Variants in ZMIZ2 observed in about 807,000 individuals in gnomAD.
The protein encoded by ZMIZ2 is zinc finger MIZ-type containing 2.
In ZMIZ2, 26 loss-of-function variants were observed where a neutral mutation model predicts 93.9. That is an observed-to-expected ratio of 0.28 (90% CI 0.20 to 0.38). The LOEUF is 0.38. Among genes scored for constraint, ZMIZ2 ranks in the 10% least tolerant of loss-of-function variants. The pLI is 1.00. For missense variants in ZMIZ2, 1,023 were observed against 1,235.0 expected (o/e 0.83, Z 2.57); for synonymous variants, 485 against 516.4 (o/e 0.94, Z 0.82).
intron 1 of ZMIZ2, among the ~76,000 whole-genome samples, 170 bp from the exon 2 acceptor site, chr7:44,756,014 AGAGT>A (rs568856102): frequency 6.8e-4 from 104 of 152,276 alleles, no homozygotes; most frequent in African/African-American, 2.4e-3. Flanking sequence ...GATCCTCACC[AGAGT>A]GAGTGGGGTG....
chr7:44,759,836 C>G, intron 7 of ZMIZ2: 1 of 477,724 alleles, frequency 2.1e-6, no homozygotes, highest in Non-Finnish European at 3.7e-6. Flanking sequence ...GACAGGCCCT[C>G]GCTGCTGGCC....
intron 14 of ZMIZ2, 103 bp downstream of exon 14, chr7:44,764,589 G>GACTCCTCCC: frequency 7.5e-7 from 1 of 1,328,446 alleles, no homozygotes; most frequent in Non-Finnish European, 1.1e-6. Context: ...AGCCTGCTGG[G>GACTCCTCCC]AGGAGTCACT....
chr7:44,762,248 C>G (rs576918163), intron 11 of ZMIZ2, among the ~76,000 whole-genome samples: 4 of 152,330 alleles, frequency 2.6e-5, no homozygotes, highest in African/African-American at 9.6e-5. Flanking sequence ...GAAAGCGATC[C>G]AGTAATATAC....
chr7:44,760,015 T>C, intron 7 of ZMIZ2, 136 bp from the exon 8 acceptor site: 2 of 871,180 alleles, frequency 2.3e-6, no homozygotes, highest in Non-Finnish European at 3.6e-6. Context: ...CTTTAAGTAG[T>C]GTTACTTGTA....
intron 3 of ZMIZ2, chr7:44,756,741 T>C (rs1790630119): frequency 6.4e-6 from 5 of 782,868 alleles, no homozygotes; most frequent in Non-Finnish European, 8.1e-6. Flanking sequence ...GCTGTGGGAT[T>C]TTCTTCTCCT....
In ZMIZ2 at chr7:44,763,566, G is replaced by GCCCA; in HGVS notation, c.1860+155_1860+156insCACC. The GCCCA allele has an allele frequency of 8.5e-6, 9 of 1,058,394 alleles. No homozygotes were observed. Among genetic ancestry groups the GCCCA allele is most frequent in the Non-Finnish European group, 1.2e-5 (9 of 745,402 alleles). The allele number at this position is 1,058,394 out of a possible 1,614,324, so 65.6% of individuals were successfully genotyped here. A position where few individuals can be genotyped will look rare whatever the true frequency, so the allele number is the denominator to read the frequency against. On this transcript the variant is annotated intron_variant, in intron 13 of 18. Transcript: ENST00000309315. This position sits in a 1 kb window ranked among gnomAD's most constrained non-coding sequence, Gnocchi z 5.6. ...CCTCCCACGCCAAGGAGGCAGGTGG[G>GCCCA]CCTGGCTCCCCCAAGACTAGGCTAT...
In ZMIZ2 at chr7:44,766,435, T is replaced by A. The variant is rs778920505; in HGVS notation, c.2427T>A (p.Gly809=). ...ACLPSQMAPA[G]HLDPTHNPGT... ...TCTGTCTTCAGATGGCACCAGCAGGTCACCTGGACCCCACTCACAATCCTG... is the reference window on the plus strand; with the variant it reads ...TCTGTCTTCAGATGGCACCAGCAGGACACCTGGACCCCACTCACAATCCTG... The change falls in exon 18 of 19, where the codon GGT becomes GGA. Residue 809 remains glycine, a synonymous_variant. Coordinates refer to ENST00000309315, the MANE Select transcript of ZMIZ2 (RefSeq NM_031449.4). This position sits in a 1 kb window ranked among gnomAD's most constrained non-coding sequence, Gnocchi z 4.4. 73 of 1,614,036 alleles carry A rather than the reference T, an allele frequency of 4.5e-5. No individual in the cohort carries two copies. The highest frequency in any genetic ancestry group is 6.0e-5 in the Non-Finnish European group (71 of 1,180,038).
At chr7:44,758,192 G>A in intron 6 of ZMIZ2, 84 bp downstream of exon 6, 1 of 1,435,084 alleles carries the variant, frequency 7.0e-7, no homozygotes. Flanking sequence ...TAAAGAGCAG[G>A]CTTCTGGCTG....
chr7:44,757,633 A>G, intron 5 of ZMIZ2, 72 bp downstream of exon 5: 6 of 1,502,616 alleles, frequency 4.0e-6, no homozygotes, highest in Non-Finnish European at 4.4e-6. Flanking sequence ...TCAGCCAGAC[A>G]GTGGGCTCCA....
intron 1 of ZMIZ2, among the ~76,000 whole-genome samples, chr7:44,755,238 CAG>C (rs1439278842): frequency 1.3e-5 from 2 of 152,196 alleles, no homozygotes; most frequent in East Asian, 3.8e-4. Context: ...CCCCATCTTG[CAG>C]AGTCACTTCA....
At chr7:44,757,341 C>A in intron 4 of ZMIZ2, 37 bp from the exon 5 acceptor site, 1 of 1,586,706 alleles carries the variant, frequency 6.3e-7, no homozygotes, top group Non-Finnish European at 8.5e-7. Flanking sequence ...CCTCATGAGC[C>A]CACGCAGAGA....
intron 7 of ZMIZ2, chr7:44,759,743 G>C (rs1790977416): frequency 2.1e-6 from 1 of 473,286 alleles, no homozygotes; most frequent in African/African-American, 2.0e-5. Flanking sequence ...GCAGGGAGCA[G>C]CAGGTGGGTA....
chr7:44,757,163 C>G lies in ZMIZ2; in HGVS notation c.368+14C>G. Reference sequence around the variant, plus strand: ...CTTCACCACCGGGTAAGCAAGTTCCCTCACCTGGCAGGTATGCTAGGAGCC... The same window carrying G: ...CTTCACCACCGGGTAAGCAAGTTCCGTCACCTGGCAGGTATGCTAGGAGCC... On this transcript the variant is annotated intron_variant, in intron 4 of 18. Coordinates refer to ENST00000309315, the MANE Select transcript of ZMIZ2 (RefSeq NM_031449.4). The G allele has an allele frequency of 6.3e-7, 1 of 1,590,704 alleles. No individual in the cohort carries two copies. Among genetic ancestry groups the G allele is most frequent in the Non-Finnish European group, 8.5e-7 (1 of 1,174,496 alleles).
chr7:44,763,551 C>A lies in ZMIZ2; in HGVS notation c.1860+138C>A. 3.2e-6 allele frequency: 4 copies of A among 1,239,978 alleles called. No homozygotes were observed. Among genetic ancestry groups the A allele is most frequent in the Non-Finnish European group, 4.4e-6 (4 of 906,046 alleles). 76.8% of individuals were successfully genotyped at this position (1,239,978 alleles called of 1,614,324 possible). A position where few individuals can be genotyped will look rare whatever the true frequency, so the allele number is the denominator to read the frequency against. ...GGCTGACAGGACAGGCCTCCCACGCCAAGGAGGCAGGTGGGCCTGGCTCCC... is the reference window on the plus strand; with the variant it reads ...GGCTGACAGGACAGGCCTCCCACGCAAAGGAGGCAGGTGGGCCTGGCTCCC... On this transcript the variant is annotated intron_variant, in intron 13 of 18. Transcript: ENST00000309315. This position sits in a 1 kb window ranked among gnomAD's most constrained non-coding sequence, Gnocchi z 5.6.
chr7:44,759,411 G>T lies in ZMIZ2; in HGVS notation c.944G>T (p.Gly315Val), dbSNP rs1260735880. The T allele has an allele frequency of 6.2e-7, 1 of 1,600,614 alleles. No homozygotes were observed. The change falls in exon 7 of 19, where the codon GGC (glycine) becomes GTC (valine). Residue 315 changes from glycine (G) to valine (V), a missense_variant. Gly to Val is a moderately radical substitution (Grantham distance 109). Transcript: ENST00000309315. ...GGGCACAGGCTGCCCCTGCAGCAGG[G>T]CATGACCCAGTCCCTGTCCGTGCCT... ...YPGHRLPLQQ[G>V]MTQSLSVPGP...
chr7:44,761,981 G>A lies in ZMIZ2; in HGVS notation c.1596+76G>A. On this transcript the variant is annotated intron_variant, in intron 11 of 18. Transcript: ENST00000309315. The surrounding 1 kb of genome is among the most constrained non-coding windows in gnomAD (Gnocchi z 5.8). ...GTGGGGCCTGGCCCAGCGGTGCCGT[G>A]GGGTGGGGCGGGGTGTGGGCGGGGC... 1 of 1,401,504 alleles carries A rather than the reference G, an allele frequency of 7.1e-7. No homozygotes were observed. Among genetic ancestry groups the A allele is most frequent in the Non-Finnish European group, 9.3e-7 (1 of 1,071,204 alleles). The allele number at this position is 1,401,504 out of a possible 1,614,324, so 86.8% of individuals were successfully genotyped here. A position where few individuals can be genotyped will look rare whatever the true frequency, so the allele number is the denominator to read the frequency against.
At chr7:44,755,928 T>G (rs2116687276) in intron 1 of ZMIZ2, among the ~76,000 whole-genome samples, 1 of 152,282 alleles carries the variant, frequency 6.6e-6, no homozygotes, top group Admixed American at 6.5e-5. Context: ...TCTCTAGGGC[T>G]GATCCAGGGA....
rs537032044 is a variant in ZMIZ2 at position 44,763,508 on chromosome 7, C to T, written c.1860+95C>T. 51 of 1,499,370 alleles carry T rather than the reference C, an allele frequency of 3.4e-5. No homozygotes were observed. The highest frequency in any genetic ancestry group is 2.6e-4 in the Admixed American group (14 of 53,480). The allele number at this position is 1,499,370 out of a possible 1,614,324, so 92.9% of individuals were successfully genotyped here. A position where few individuals can be genotyped will look rare whatever the true frequency, so the allele number is the denominator to read the frequency against. On this transcript the variant is annotated intron_variant, in intron 13 of 18. Transcript: ENST00000309315. The surrounding 1 kb of genome is among the most constrained non-coding windows in gnomAD (Gnocchi z 5.6). The stretch of plus-strand genomic sequence containing the variant: ...TCATTCTCTGGACAGACGTGAACTC[C>T]GAGTGCCTTGGCTGTCAGGCTGACA...
Position 44,752,289 on chromosome 7 carries a change from G to A in ZMIZ2, c.-63+3298G>A, listed in dbSNP as rs1026439211. ...ATTACAGGCGCCCACCACTACGCCC[G>A]GTTAGTTTTTGCCCAGCTAATTCTT... On this transcript the variant is annotated intron_variant, in intron 1 of 18. Transcript: ENST00000309315. 4.6e-5 allele frequency among the ~76,000 whole-genome samples: 7 copies of A among 152,054 alleles called. 1 individual carries two copies. The highest frequency in any genetic ancestry group is 6.8e-3 in the Middle Eastern group (2 of 294).
Sources: allele counts gnomAD v4.1 joint callset (sites outside exome capture counted in the v4.1 genomes callset), GRCh38; gene constraint gnomAD v4.1.1; non-coding constraint Gnocchi (gnomAD v3.1); transcripts MANE v1.5; gene names NCBI Gene and HGNC (gene_info 2026-07-23, HGNC 2026-07-21).